CCDC148: variants seen among roughly 807,000 people sequenced by gnomAD.
The protein encoded by CCDC148 is coiled-coil domain-containing protein 148.
In CCDC148, 89 loss-of-function variants were observed where a neutral mutation model predicts 85.7. The ratio of observed to expected loss-of-function variants is 1.04; its 90% CI spans 0.87 to 1.24. The LOEUF (loss-of-function observed/expected upper bound fraction) is 1.24, where lower values mean the gene tolerates loss of function less well. Among genes scored for constraint, CCDC148 ranks in the 50% most tolerant of loss-of-function variants. The probability of loss-of-function intolerance (pLI) is 0.00; values close to 1 mark genes in which losing one functional copy is unlikely to be tolerated. For missense variants in CCDC148, 692 were observed against 671.7 expected (o/e 1.03, Z -0.33); for synonymous variants, 230 against 213.9 (o/e 1.08, Z -0.66).
intron 1 of CCDC148, among the ~76,000 whole-genome samples, chr2:158,409,625 C>T (rs1686174150): frequency 6.6e-6 from 1 of 152,146 alleles, no homozygotes; most frequent in African/African-American, 2.4e-5. Context: ...AGGGACTTGC[C>T]TTGTCTCAGA....
At chr2:158,215,521 G>C (rs1369344602) in intron 11 of CCDC148, among the ~76,000 whole-genome samples, 1 of 151,950 alleles carries the variant, frequency 6.6e-6, no homozygotes, top group Non-Finnish European at 1.5e-5. Context: ...CCAACAGAAG[G>C]AGGCACCTTT....
intron 11 of CCDC148, among the ~76,000 whole-genome samples, chr2:158,183,825 C>T (rs778154966): frequency 2.6e-5 from 4 of 152,102 alleles, no homozygotes; most frequent in Non-Finnish European, 2.9e-5. Flanking sequence ...GGCAGCATCA[C>T]GGGGAACCTG....
intron 7 of CCDC148, among the ~76,000 whole-genome samples, chr2:158,322,167 A>C (rs1692549290): frequency 6.6e-6 from 1 of 152,192 alleles, no homozygotes; most frequent in Non-Finnish European, 1.5e-5. Flanking sequence ...ATCTTAAGGG[A>C]ATAATTATAG....
At chr2:158,351,967 C>A (rs1278040828) in intron 2 of CCDC148, among the ~76,000 whole-genome samples, 2 of 145,102 alleles carry the variant, frequency 1.4e-5, no homozygotes, top group African/African-American at 5.4e-5. Context: ...CAGGGGCACA[C>A]TGACACCTCA....
chr2:158,192,538 T>C lies in CCDC148; in HGVS notation c.1371-13542A>G, dbSNP rs142931182. 3.4e-3 allele frequency among the ~76,000 whole-genome samples: 513 copies of C among 152,186 alleles called. 2 individuals are homozygous for C. The highest frequency in any genetic ancestry group is 0.012 in the African/African-American group (479 of 41,536). On this transcript the variant is annotated intron_variant, in intron 11 of 13. Coordinates refer to ENST00000283233, the MANE Select transcript of CCDC148 (RefSeq NM_138803.4). The stretch of plus-strand genomic sequence containing the variant: ...TAATAAAGTTTACAATGGCCAAGCG[T>C]TGGCCATCTAGACACAGCTAACAAA...
At chr2:158,409,244 C>T (rs1170857713) in intron 1 of CCDC148, among the ~76,000 whole-genome samples, 1 of 152,096 alleles carries the variant, frequency 6.6e-6, no homozygotes, top group African/African-American at 2.4e-5. Flanking sequence ...CTCCAGACTC[C>T]GGAATGGTAG....
At chr2:158,197,143 T>A (rs746714396) in intron 11 of CCDC148, among the ~76,000 whole-genome samples, 5 of 152,162 alleles carry the variant, frequency 3.3e-5, no homozygotes, top group Non-Finnish European at 7.4e-5. Flanking sequence ...TACAGAGAAG[T>A]CTTTGTTCTC....
chr2:158,250,216 G>T, intron 10 of CCDC148, among the ~76,000 whole-genome samples: 1 of 151,870 alleles, frequency 6.6e-6, no homozygotes, highest in East Asian at 1.9e-4. Flanking sequence ...ACTTCTTTTG[G>T]TGTATAGTTT....
chr2:158,228,915 T>A (rs1249758870), intron 10 of CCDC148, among the ~76,000 whole-genome samples: 2 of 145,600 alleles, frequency 1.4e-5, no homozygotes, highest in African/African-American at 2.6e-5. Flanking sequence ...CATATGTAAC[T>A]AACCTGCACG....
At chr2:158,374,992 GTTAT>G (rs1684597441) in intron 1 of CCDC148, among the ~76,000 whole-genome samples, 1 of 151,824 alleles carries the variant, frequency 6.6e-6, no homozygotes, top group Admixed American at 6.6e-5. Flanking sequence ...GTTGTTCTAT[GTTAT>G]TTATTTTAAA....
At chr2:158,274,460 A>T (rs996104628) in intron 9 of CCDC148, among the ~76,000 whole-genome samples, 1 of 152,218 alleles carries the variant, frequency 6.6e-6, no homozygotes, top group African/African-American at 2.4e-5. Context: ...CAACTGGCCA[A>T]TGTGTCTCCT....
At chr2:158,329,734 T>C (rs1692993299) in intron 7 of CCDC148, among the ~76,000 whole-genome samples, 1 of 152,106 alleles carries the variant, frequency 6.6e-6, no homozygotes, top group East Asian at 1.9e-4. Context: ...ACGTCCCTTG[T>C]AAGTTGGATT....
intron 9 of CCDC148, among the ~76,000 whole-genome samples, chr2:158,287,214 T>C (rs6719022): frequency 0.068 from 10,374 of 152,176 alleles, 403 homozygotes; most frequent in Non-Finnish European, 0.082. Flanking sequence ...TTCTGAGAGA[T>C]ACAATTAAAG....
intron 10 of CCDC148, among the ~76,000 whole-genome samples, chr2:158,223,030 C>G (rs989499047): frequency 1.3e-5 from 2 of 152,104 alleles, no homozygotes; most frequent in Non-Finnish European, 2.9e-5. Context: ...ATCGCCTCAC[C>G]TGGGAAGCAC....
At chr2:158,244,969 T>C (rs1373464313) in intron 10 of CCDC148, among the ~76,000 whole-genome samples, 1 of 152,186 alleles carries the variant, frequency 6.6e-6, no homozygotes, top group East Asian at 1.9e-4. Flanking sequence ...CTTAGCTCTT[T>C]AGATCAGTAT....
At chr2:158,422,126 C>T (rs1360152421) in intron 1 of CCDC148, among the ~76,000 whole-genome samples, 1 of 152,052 alleles carries the variant, frequency 6.6e-6, no homozygotes, top group African/African-American at 2.4e-5. Flanking sequence ...AGTCCAGGAC[C>T]AAATGGATTC....
At chr2:158,421,518 T>A (rs1004425752) in intron 1 of CCDC148, among the ~76,000 whole-genome samples, 2 of 152,112 alleles carry the variant, frequency 1.3e-5, no homozygotes, top group Non-Finnish European at 2.9e-5. Flanking sequence ...AAGGCAGAAA[T>A]AAAGATGTTC....
intron 1 of CCDC148, among the ~76,000 whole-genome samples, chr2:158,432,159 A>G (rs1687383511): frequency 6.6e-6 from 1 of 152,126 alleles, no homozygotes; most frequent in African/African-American, 2.4e-5. Context: ...ATATCATAGT[A>G]CAGATAAAGT....
intron 9 of CCDC148, among the ~76,000 whole-genome samples, chr2:158,267,212 G>A (rs17808235): frequency 2.6e-5 from 4 of 151,492 alleles, no homozygotes; most frequent in African/African-American, 7.3e-5. Context: ...CATCAAACTC[G>A]CCGTGCTTTT....
Sources: allele counts gnomAD v4.1 joint callset (sites outside exome capture counted in the v4.1 genomes callset), GRCh38; gene constraint gnomAD v4.1.1; transcripts MANE v1.5; gene names NCBI Gene and HGNC (gene_info 2026-07-23, HGNC 2026-07-21).